The following SLC16A13 variants were observed in gnomAD, a reference collection of about 807,000 sequenced individuals.
The protein encoded by SLC16A13 is solute carrier family 16 member 13.
Under a neutral mutation model 28.1 loss-of-function variants are expected in SLC16A13, and 28 were observed. The ratio of observed to expected loss-of-function variants is 1.00; its 90% CI spans 0.74 to 1.37. The LOEUF is 1.37. SLC16A13 is among the 40% of genes most tolerant of loss of function. SLC16A13 has a pLI of 0.00. For synonymous variants in SLC16A13, 228 were observed against 241.6 expected (o/e 0.94, Z 0.52); for missense variants, 482 against 531.8 (o/e 0.91, Z 0.92).
At chr17:7,037,034 G>A (rs530703317) in intron 2 of SLC16A13, 164 bp downstream of exon 2, 96 of 891,204 alleles carry the variant, frequency 1.1e-4, no homozygotes, top group Non-Finnish European at 1.5e-4. Context: ...CGACAAACAT[G>A]GTGAGGAATT....
At position 7,036,334 on chromosome 17, in the gene SLC16A13, C is replaced by T. The variant is rs1186873464; in HGVS notation, c.-49C>T. 3 of 1,553,816 alleles carry T rather than the reference C, an allele frequency of 1.9e-6. No individual in the cohort carries two copies. Among genetic ancestry groups the T allele is most frequent in the Admixed American group, 2.0e-5 (1 of 50,994 alleles). ...GTGTGCAGAGGTGCGGCGTCCAGAA[C>T]CCGGCTCCTGCAGAGGCTCTGGGTG... On this transcript the variant is annotated 5_prime_UTR_variant, in exon 1 of 4. Transcript: ENST00000308027.
chr17:7,038,218 G>T lies in SLC16A13; in HGVS notation c.410G>T (p.Arg137Leu). The T allele has an allele frequency of 6.2e-7, 1 of 1,614,096 alleles. No homozygotes were observed. ...ACLSCYFSRR[R>L]SLATGLALTG... ...CTGTCCTGTTATTTCTCTCGCCGACGATCCCTGGCCACCGGGCTGGCACTG... is the reference window on the plus strand; with the variant it reads ...CTGTCCTGTTATTTCTCTCGCCGACTATCCCTGGCCACCGGGCTGGCACTG... Residue 137 changes from arginine to leucine, a missense_variant, in exon 3 of 4, where the codon CGA becomes CTA. Arg to Leu is a moderately radical substitution (Grantham distance 102). Coordinates refer to ENST00000308027, the MANE Select transcript of SLC16A13 (RefSeq NM_201566.3). The surrounding 1 kb of genome is among the most constrained non-coding windows in gnomAD (Gnocchi z 5.7).
In SLC16A13 at chr17:7,036,552, C is replaced by T; in HGVS notation, c.170C>T (p.Ser57Phe). The T allele has an allele frequency of 6.2e-7, 1 of 1,612,410 alleles. No individual in the cohort carries two copies. The highest frequency in any genetic ancestry group is 8.5e-7 in the Non-Finnish European group (1 of 1,179,980). ...EQAARVSWIA[S>F]IGIAVQQFGS... ...GCAGCGCGCGTCTCCTGGATCGCCTCCATAGGAATCGCGGTGCAGCAGTTT... is the reference window on the plus strand; with the variant it reads ...GCAGCGCGCGTCTCCTGGATCGCCTTCATAGGAATCGCGGTGCAGCAGTTT... Residue 57 changes from serine to phenylalanine, a missense_variant, in exon 1 of 4, where the codon TCC (serine) becomes TTC (phenylalanine). Ser to Phe is a radical substitution (Grantham distance 155). Transcript: ENST00000308027.
At position 7,039,956 on chromosome 17, in the gene SLC16A13, G is replaced by C; in HGVS notation, c.1275G>C (p.Glu425Asp). The C allele has an allele frequency of 6.2e-7, 1 of 1,613,294 alleles. No individual in the cohort carries two copies. The highest frequency in any genetic ancestry group is 8.5e-7 in the Non-Finnish European group (1 of 1,179,948). Reference protein sequence around the residue: ...KVPLPKEGLEED With the variant: ...KVPLPKEGLEDD ...CCCTACCCAAGGAGGGGCTGGAAGA[G>C]GACTGAACTCCACAGAGTCAGGCCC... The change falls in exon 4 of 4, where the codon GAG (glutamate) becomes GAC (aspartate). Residue 425 changes from glutamate to aspartate, a missense_variant. Transcript: ENST00000308027. The surrounding 1 kb of genome is among the most constrained non-coding windows in gnomAD (Gnocchi z 4.3).
Position 7,038,312 on chromosome 17 carries a change from G to C in SLC16A13, c.504G>C (p.Trp168Cys), listed in dbSNP as rs1910635901. The C allele has an allele frequency of 6.2e-7, 1 of 1,613,972 alleles. No individual in the cohort carries two copies. The highest frequency in any genetic ancestry group is 1.3e-5 in the African/African-American group (1 of 74,912). ...FFQWLLSHYA[W>C]RGSLLLVSAL... ...AGTGGCTGCTCAGCCACTACGCCTG[G>C]AGGGGGTCCCTGCTGCTGGTGTCTG... is the stretch of plus-strand genomic sequence containing the variant. The change falls in exon 3 of 4, where the codon TGG becomes TGC. Residue 168 changes from tryptophan (W) to cysteine (C), a missense_variant. Transcript: ENST00000308027. This position sits in a 1 kb window ranked among gnomAD's most constrained non-coding sequence, Gnocchi z 5.7.
rs1049095247 is a variant in SLC16A13 at position 7,039,425 on chromosome 17, A to G, written c.1082-338A>G. On this transcript the variant is annotated intron_variant, in intron 3 of 3. Coordinates refer to ENST00000308027, the MANE Select transcript of SLC16A13 (RefSeq NM_201566.3). The surrounding 1 kb of genome is among the most constrained non-coding windows in gnomAD (Gnocchi z 4.3). ...CAGTGAGCTGAGATCGCGCCACTGC[A>G]CTTCAGCCTGGGCGACAGAGCGAGA... Among the ~76,000 whole-genome samples, 60 of 150,996 alleles carry G rather than the reference A, an allele frequency of 4.0e-4. No individual in the cohort carries two copies. Among genetic ancestry groups the G allele is most frequent in the African/African-American group, 1.5e-3 (60 of 40,858 alleles).
Position 7,036,545 on chromosome 17 carries a change from A to C in SLC16A13, c.163A>C (p.Ile55Leu). ...GGAGCAGGCAGCGCGCGTCTCCTGG[A>C]TCGCCTCCATAGGAATCGCGGTGCA... is the stretch of plus-strand genomic sequence containing the variant. ...FEEQAARVSW[I>L]ASIGIAVQQF... is the part of the protein sequence containing the mutation. Residue 55 changes from isoleucine to leucine, a missense_variant, in exon 1 of 4, where the codon ATC becomes CTC. Coordinates refer to ENST00000308027, the MANE Select transcript of SLC16A13 (RefSeq NM_201566.3). The C allele has an allele frequency of 6.2e-7, 1 of 1,612,370 alleles. No homozygotes were observed. The highest frequency in any genetic ancestry group is 1.7e-5 in the Admixed American group (1 of 60,022).
chr17:7,039,018 A>AC lies in SLC16A13; in HGVS notation c.1081+131dup, dbSNP rs1030566274. The AC allele has an allele frequency of 8.0e-6, 10 of 1,245,968 alleles. No individual in the cohort carries two copies. The African/African-American group carries it at 1.3e-4, about 17-fold the overall frequency. 77.2% of individuals were successfully genotyped at this position (1,245,968 alleles called of 1,614,324 possible). On this transcript the variant is annotated intron_variant, in intron 3 of 3. Coordinates refer to ENST00000308027, the MANE Select transcript of SLC16A13 (RefSeq NM_201566.3). The surrounding 1 kb of genome is among the most constrained non-coding windows in gnomAD (Gnocchi z 4.3). ...GTACAGTACACAGCCTGCGTGGCCA[A>AC]CCATAGCATCCCTGAAATGGGTCCA... is the stretch of plus-strand genomic sequence containing the variant.
rs1430121393 is a variant in SLC16A13, at chr17:7,039,969, CAG to C, written c.*10_*11del. On this transcript the variant is annotated 3_prime_UTR_variant, in exon 4 of 4. Transcript: ENST00000308027. This position sits in a 1 kb window ranked among gnomAD's most constrained non-coding sequence, Gnocchi z 4.3. The stretch of plus-strand genomic sequence containing the variant: ...GGGGCTGGAAGAGGACTGAACTCCA[CAG>C]AGTCAGGCCCAGAAAGCCAAAGCTT... The C allele has an allele frequency of 1.9e-6, 3 of 1,611,740 alleles. No homozygotes were observed. The highest frequency in any genetic ancestry group is 2.2e-5 in the South Asian group (2 of 91,038).
In SLC16A13 at chr17:7,038,533, A is replaced by G; in HGVS notation, c.725A>G (p.Gln242Arg). ...TACCTCCACCTGGTGGCCCATCTCCAGGACCTGGATTGGGACCCACTACCT... is the reference window on the plus strand; with the variant it reads ...TACCTCCACCTGGTGGCCCATCTCCGGGACCTGGATTGGGACCCACTACCT... ...IPYLHLVAHL[Q>R]DLDWDPLPAA... The change falls in exon 3 of 4, where the codon CAG becomes CGG. Residue 242 changes from glutamine to arginine, a missense_variant. Coordinates refer to ENST00000308027, the MANE Select transcript of SLC16A13 (RefSeq NM_201566.3). The surrounding 1 kb of genome is among the most constrained non-coding windows in gnomAD (Gnocchi z 5.7). The G allele has an allele frequency of 1.1e-5, 17 of 1,614,136 alleles. No homozygotes were observed. The highest frequency in any genetic ancestry group is 1.4e-5 in the Non-Finnish European group (17 of 1,180,022).
In SLC16A13 at chr17:7,039,418, C is replaced by A. The variant is rs1202444219; in HGVS notation, c.1082-345C>A. Among the ~76,000 whole-genome samples, 1 of 151,530 alleles carries A rather than the reference C, an allele frequency of 6.6e-6. No homozygotes were observed. Among genetic ancestry groups the A allele is most frequent in the African/African-American group, 2.4e-5 (1 of 41,080 alleles). ...GAGCTTGCAGTGAGCTGAGATCGCG[C>A]CACTGCACTTCAGCCTGGGCGACAG... On this transcript the variant is annotated intron_variant, in intron 3 of 3. Transcript: ENST00000308027. The surrounding 1 kb of genome is among the most constrained non-coding windows in gnomAD (Gnocchi z 4.3).
In SLC16A13 at chr17:7,037,243, G is replaced by A. The variant is rs552885799; in HGVS notation, c.343+373G>A. On this transcript the variant is annotated intron_variant, in intron 2 of 3. Coordinates refer to ENST00000308027, the MANE Select transcript of SLC16A13 (RefSeq NM_201566.3). ...GCTAATCCCAGTTACTCGGGAGGCTGAGGCAGGAGAATCGCTTGAACCCGG... is the reference window on the plus strand; with the variant it reads ...GCTAATCCCAGTTACTCGGGAGGCTAAGGCAGGAGAATCGCTTGAACCCGG... 5.0e-4 allele frequency among the ~76,000 whole-genome samples: 71 copies of A among 142,140 alleles called. 4 individuals are homozygous for A. The highest frequency in any genetic ancestry group is 1.7e-3 in the Admixed American group (23 of 13,866). The allele number at this position is 142,140 out of a possible 152,430, so 93.2% of individuals were successfully genotyped here.
In SLC16A13 at chr17:7,036,428, G is replaced by A. The variant is rs370000586; in HGVS notation, c.46G>A (p.Val16Met). 14 of 1,612,130 alleles carry A rather than the reference G, an allele frequency of 8.7e-6. No individual in the cohort carries two copies. Among genetic ancestry groups the A allele is most frequent in the African/African-American group, 5.3e-5 (4 of 74,872 alleles). Reference protein sequence around the residue: ...EPPDGGWGWVVVLSAFFQSAL... With the variant: ...EPPDGGWGWVMVLSAFFQSAL... ...CCCCGACGGGGGCTGGGGATGGGTG[G>A]TGGTGCTCTCAGCGTTCTTCCAGTC... The change falls in exon 1 of 4, where the codon GTG becomes ATG. Residue 16 changes from valine to methionine, a missense_variant. Val to Met is a conservative substitution (Grantham distance 21). Coordinates refer to ENST00000308027, the MANE Select transcript of SLC16A13 (RefSeq NM_201566.3).
rs767787379 is a variant in SLC16A13 at position 7,036,725 on chromosome 17, A to G, written c.200-2A>G. On this transcript the variant is annotated splice_acceptor_variant, in intron 1 of 3. Coordinates refer to ENST00000308027, the MANE Select transcript of SLC16A13 (RefSeq NM_201566.3). LOFTEE classifies it high-confidence loss of function. ...CTCGCAGCGCCCCTTCCACTTCCTC[A>G]GGCCCGGTAGGCAGTGCCCTGAGCA... 5 of 1,612,252 alleles carry G rather than the reference A, an allele frequency of 3.1e-6. No homozygotes were observed. The highest frequency in any genetic ancestry group is 1.1e-5 in the South Asian group (1 of 91,080).
rs1187731250 is a variant in SLC16A13 at position 7,038,679 on chromosome 17, A to G, written c.871A>G (p.Thr291Ala). 6.2e-7 allele frequency: 1 copy of G among 1,613,922 alleles called. No homozygotes were observed. The highest frequency in any genetic ancestry group is 1.3e-5 in the African/African-American group (1 of 74,876). The change falls in exon 3 of 4, where the codon ACT (threonine) becomes GCT (alanine). Residue 291 changes from threonine to alanine, a missense_variant. Physicochemically the swap from Thr to Ala is moderately conservative, Grantham distance 58. Coordinates refer to ENST00000308027, the MANE Select transcript of SLC16A13 (RefSeq NM_201566.3). The surrounding 1 kb of genome is among the most constrained non-coding windows in gnomAD (Gnocchi z 5.7). Reference protein sequence around the residue: ...TRLLMLWTTLTGVSLALFPVA... With the variant: ...TRLLMLWTTLAGVSLALFPVA... The stretch of plus-strand genomic sequence containing the variant: ...ACTCCTGATGCTCTGGACCACCTTG[A>G]CTGGGGTGTCACTAGCCCTGTTCCC...
rs1032586041 is a variant in SLC16A13 at position 7,036,213 on chromosome 17, A to C, written c.-170A>C. On this transcript the variant is annotated 5_prime_UTR_variant, in exon 1 of 4. Coordinates refer to ENST00000308027, the MANE Select transcript of SLC16A13 (RefSeq NM_201566.3). ...AGTCCTATATCGCCCCGCCTTGGGA[A>C]AAGGTGCAGGGGCCTCTCGCCGCCT... 9.4e-6 allele frequency: 6 copies of C among 639,610 alleles called. No individual in the cohort carries two copies. The highest frequency in any genetic ancestry group is 7.3e-5 in the African/African-American group (4 of 54,488). The allele number at this position is 639,610 out of a possible 1,614,324, so 39.6% of individuals were successfully genotyped here.
At position 7,036,398 on chromosome 17, in the gene SLC16A13, G is replaced by C. The variant is rs767074431; in HGVS notation, c.16G>C (p.Glu6Gln). The change falls in exon 1 of 4, where the codon GAG becomes CAG. Residue 6 changes from glutamate to glutamine, a missense_variant. Glu to Gln is a conservative substitution (Grantham distance 29, BLOSUM62 2). Transcript: ENST00000308027. ...TACCGCTTAGATGGCGCGCAGGACAGAGCCCCCCGACGGGGGCTGGGGATG... is the reference window on the plus strand; with the variant it reads ...TACCGCTTAGATGGCGCGCAGGACACAGCCCCCCGACGGGGGCTGGGGATG... Reference protein sequence around the residue: MARRTEPPDGGWGWVV... With the variant: MARRTQPPDGGWGWVV... The C allele has an allele frequency of 6.2e-7, 1 of 1,611,434 alleles. No individual in the cohort carries two copies. Among genetic ancestry groups the C allele is most frequent in the South Asian group, 1.1e-5 (1 of 90,984 alleles).
chr17:7,039,764 C>G lies in SLC16A13; in HGVS notation c.1083C>G (p.Gly361=). ...ATTCTTTTTCTCTCTTGGACCTAGG[C>G]TACCTCCGGGATGTGACAGGCAACT... ...IGGLLGPPLS[G]YLRDVTGNYT... Residue 361 remains glycine, a splice_region_variant and synonymous_variant, in exon 4 of 4, where the codon GGC becomes GGG. Transcript: ENST00000308027. This position sits in a 1 kb window ranked among gnomAD's most constrained non-coding sequence, Gnocchi z 4.3. The G allele has an allele frequency of 1.2e-6, 2 of 1,614,186 alleles. No individual in the cohort carries two copies. The highest frequency in any genetic ancestry group is 1.7e-6 in the Non-Finnish European group (2 of 1,180,030).
chr17:7,037,451 G>A (rs1910613456), intron 2 of SLC16A13, among the ~76,000 whole-genome samples: 1 of 150,774 alleles, frequency 6.6e-6, no homozygotes, highest in Non-Finnish European at 1.5e-5. Context: ...TAGGGGCCAG[G>A]CACGGTGGCT....
Sources: allele counts gnomAD v4.1 joint callset (sites outside exome capture counted in the v4.1 genomes callset), GRCh38; gene constraint gnomAD v4.1.1; non-coding constraint Gnocchi (gnomAD v3.1); transcripts MANE v1.5; gene names NCBI Gene and HGNC (gene_info 2026-07-23, HGNC 2026-07-21).